Variants in COLEC10 observed in about 807,000 individuals in gnomAD.
COLEC10 encodes the protein collectin subfamily member 10.
In COLEC10, 22 loss-of-function variants were observed where a neutral mutation model predicts 28.4. The ratio of observed to expected loss-of-function variants is 0.78; its 90% CI spans 0.55 to 1.11. The LOEUF is 1.11. Among genes scored for constraint, COLEC10 ranks in the 50% least tolerant of loss-of-function variants. COLEC10 has a pLI of 0.00. For missense variants in COLEC10, 361 were observed against 344.1 expected (o/e 1.05, Z -0.39); for synonymous variants, 125 against 116.1 (o/e 1.08, Z -0.49).
chr8:119,091,028 A>G, intron 2 of COLEC10, 121 bp from the exon 3 acceptor site: 1 of 755,430 alleles, frequency 1.3e-6, no homozygotes, highest in East Asian at 2.7e-5. Flanking sequence ...TGGGATATAT[A>G]TTAGATATCA....
At chr8:119,062,911 T>C (rs1254235743), upstream of COLEC10, 1 of 152,234 alleles carries the variant, frequency 6.6e-6, no homozygotes, top group Non-Finnish European at 1.5e-5. Flanking sequence ...TTACAAACTG[T>C]ATAAAGTTAA....
intron 1 of COLEC10, among the ~76,000 whole-genome samples, chr8:119,086,511 A>G (rs980965460): frequency 1.3e-5 from 2 of 152,218 alleles, no homozygotes; most frequent in East Asian, 3.9e-4. Context: ...TGTTTACTTC[A>G]TCTGTGCCAG....
chr8:119,099,637 T>C (rs1237258892), intron 3 of COLEC10, among the ~76,000 whole-genome samples: 1 of 150,242 alleles, frequency 6.7e-6, no homozygotes, highest in East Asian at 1.9e-4. Flanking sequence ...AGAATTCATG[T>C]CAAAATACTG....
At chr8:119,045,683 TA>T (rs1456286577) in intron 2 of COLEC10, among the ~76,000 whole-genome samples, 3 of 152,250 alleles carry the variant, frequency 2.0e-5, no homozygotes, top group African/African-American at 7.2e-5. Flanking sequence ...AATTGTGCAT[TA>T]AAATTAGGCT....
At chr8:119,017,388 T>C (rs929974564) in intron 2 of COLEC10, among the ~76,000 whole-genome samples, 1 of 152,196 alleles carries the variant, frequency 6.6e-6, no homozygotes, top group Non-Finnish European at 1.5e-5. Context: ...AAGACTATAG[T>C]AATGACAACT....
intron 1 of COLEC10, among the ~76,000 whole-genome samples, chr8:119,077,588 T>C (rs564050602): frequency 3.3e-5 from 5 of 152,274 alleles, no homozygotes; most frequent in South Asian, 4.1e-4. Context: ...TGGAATTCTA[T>C]AGCATCAAAA....
the COLEC10 span, among the ~76,000 whole-genome samples, chr8:118,989,576 CA>C: frequency 1.4e-4 from 20 of 147,904 alleles, no homozygotes; most frequent in East Asian, 8.1e-4. Flanking sequence ...CACACACACA[CA>C]CCCCTACCTA....
At chr8:119,073,868 T>C in intron 1 of COLEC10, among the ~76,000 whole-genome samples, 1 of 151,974 alleles carries the variant, frequency 6.6e-6, no homozygotes, top group East Asian at 1.9e-4. Context: ...TATATGTATG[T>C]GAAGATCATG....
chr8:119,050,300 T>G (rs2130174891), intron 2 of COLEC10, among the ~76,000 whole-genome samples: 1 of 152,302 alleles, frequency 6.6e-6, no homozygotes, highest in South Asian at 2.1e-4. Context: ...GGTTCCTGAA[T>G]GTCAAGGAAA....
chr8:119,063,588 A>G (rs1038787331), upstream of COLEC10, among the ~76,000 whole-genome samples: 20 of 152,066 alleles, frequency 1.3e-4, no homozygotes, highest in African/African-American at 4.8e-4. Context: ...GGGTCCACCC[A>G]GATAATCTAG....
intron 2 of COLEC10, among the ~76,000 whole-genome samples, chr8:119,036,881 C>G (rs1814398191): frequency 6.6e-6 from 1 of 152,118 alleles, no homozygotes. Context: ...TACTGAACCT[C>G]AAAAGGAGCC....
At chr8:118,961,850 A>T in the COLEC10 span, among the ~76,000 whole-genome samples, 1 of 152,146 alleles carries the variant, frequency 6.6e-6, no homozygotes, top group Non-Finnish European at 1.5e-5. Flanking sequence ...TTGGTTTTGG[A>T]TATTTTTTAA....
intron 1 of COLEC10, among the ~76,000 whole-genome samples, chr8:119,074,299 T>C (rs1028585905): frequency 6.6e-6 from 1 of 152,148 alleles, no homozygotes; most frequent in Non-Finnish European, 1.5e-5. Context: ...TATAATTACA[T>C]TGTAACACAA....
chr8:118,957,207 C>A, the COLEC10 span, among the ~76,000 whole-genome samples: 1 of 152,162 alleles, frequency 6.6e-6, no homozygotes, highest in Non-Finnish European at 1.5e-5. Flanking sequence ...TGTTAAGTAT[C>A]CTGATACAGA....
chr8:118,978,736 T>C, the COLEC10 span, among the ~76,000 whole-genome samples: 3 of 152,058 alleles, frequency 2.0e-5, no homozygotes, highest in African/African-American at 4.8e-5. Flanking sequence ...AAAATTTAGA[T>C]AGACAGTGTT....
chr8:118,980,589 T>G, the COLEC10 span, among the ~76,000 whole-genome samples: 1 of 152,124 alleles, frequency 6.6e-6, no homozygotes, highest in African/African-American at 2.4e-5. Context: ...AGAGTTGTTA[T>G]AAGTAGCAAT....
At chr8:118,957,006 T>G in the COLEC10 span, among the ~76,000 whole-genome samples, 1 of 152,174 alleles carries the variant, frequency 6.6e-6, no homozygotes, top group South Asian at 2.1e-4. Flanking sequence ...GAAACAAGGG[T>G]TTTCCTATAA....
intron 2 of COLEC10, among the ~76,000 whole-genome samples, chr8:119,044,365 G>T (rs765693381): frequency 5.9e-5 from 9 of 152,192 alleles, no homozygotes; most frequent in Non-Finnish European, 1.0e-4. Context: ...CTATGTACTT[G>T]AAAATGAGTA....
At chr8:118,968,045 T>C in the COLEC10 span, among the ~76,000 whole-genome samples, 1 of 152,118 alleles carries the variant, frequency 6.6e-6, no homozygotes, top group Non-Finnish European at 1.5e-5. Flanking sequence ...TTATTCAATA[T>C]AGATATTTCA....
Sources: gnomAD v4.1 joint callset for allele counts (sites outside exome capture counted in the v4.1 genomes callset) on GRCh38, gnomAD v4.1.1 for gene constraint, MANE v1.5 for transcripts, NCBI Gene and HGNC (gene_info 2026-07-23, HGNC 2026-07-21) for gene names.